Variants in STAG3 observed in about 807,000 individuals in gnomAD.
STAG3 encodes the protein cohesin subunit SA-3.
A neutral mutation model predicts 160.7 loss-of-function variants in STAG3; 101 were observed. The observed-to-expected ratio is 0.63, with a 90% CI of 0.54 to 0.74. STAG3 has a LOEUF of 0.74. Among genes scored for constraint, STAG3 ranks in the 30% least tolerant of loss-of-function variants. The probability of loss-of-function intolerance (pLI) is 0.00; values close to 1 mark genes in which losing one functional copy is unlikely to be tolerated. For missense variants in STAG3, 1,188 were observed against 1,517.4 expected (o/e 0.78, Z 3.61); for synonymous variants, 519 against 585.0 (o/e 0.89, Z 1.63).
chr7:100,207,131 T>A lies in STAG3; in HGVS notation c.3238+1747T>A, dbSNP rs1801724801. On this transcript the variant is annotated intron_variant, in intron 29 of 33. Transcript: ENST00000615138. This position sits in a 1 kb window ranked among gnomAD's most constrained non-coding sequence, Gnocchi z 4.0. ...ATATGCCACATTCTACTTATCCACT[T>A]GTCAGTTGATTGACATTTGGGCTCT... 6.6e-6 allele frequency among the ~76,000 whole-genome samples: 1 copy of A among 152,254 alleles called. No individual in the cohort carries two copies. The highest frequency in any genetic ancestry group is 6.5e-5 in the Admixed American group (1 of 15,282).
intron 13 of STAG3, 94 bp downstream of exon 13, chr7:100,198,676 T>C (rs1800852541): frequency 2.3e-6 from 3 of 1,331,592 alleles, no homozygotes; most frequent in East Asian, 4.6e-5. Flanking sequence ...CCCATCTCTG[T>C]GAAAGTCTCC....
chr7:100,194,156 A>G (rs752031994), intron 8 of STAG3, among the ~76,000 whole-genome samples: 4 of 152,022 alleles, frequency 2.6e-5, no homozygotes, highest in Non-Finnish European at 5.9e-5. Flanking sequence ...CATGTTGGTC[A>G]GGCTGGTCTC....
downstream of STAG3, among the ~76,000 whole-genome samples, chr7:100,217,114 T>A (rs1802828529): frequency 6.6e-6 from 1 of 152,204 alleles, no homozygotes; most frequent in East Asian, 1.9e-4. Context: ...TTACAATGTT[T>A]TTATCTACAC....
At chr7:100,186,506 G>A (rs1431279511) in intron 5 of STAG3, among the ~76,000 whole-genome samples, 1 of 152,120 alleles carries the variant, frequency 6.6e-6, no homozygotes, top group Non-Finnish European at 1.5e-5. Flanking sequence ...ATCACTTGAG[G>A]TCAGGAGTTT....
chr7:100,211,645 T>C (rs1584786705), intron 31 of STAG3, 106 bp downstream of exon 31: 2 of 1,449,030 alleles, frequency 1.4e-6, no homozygotes, highest in African/African-American at 2.8e-5. Context: ...TTGGACTTGT[T>C]TTAGCCACAG....
chr7:100,212,011 C>CA, intron 32 of STAG3, 135 bp downstream of exon 32: 1 of 742,452 alleles, frequency 1.3e-6, no homozygotes, highest in Non-Finnish European at 2.2e-6. Flanking sequence ...TAAAGGAGGA[C>CA]AGGTTATATG....
At chr7:100,183,766 T>A (rs1584654718) in intron 4 of STAG3, among the ~76,000 whole-genome samples, 1 of 152,386 alleles carries the variant, frequency 6.6e-6, no homozygotes, top group Middle Eastern at 3.4e-3. Flanking sequence ...ATATGTTCTT[T>A]AATTATGTAA....
intron 13 of STAG3, 74 bp downstream of exon 13, chr7:100,198,656 C>A: frequency 7.0e-7 from 1 of 1,432,938 alleles, no homozygotes; most frequent in Non-Finnish European, 9.8e-7. Context: ...GCTGCCCTAC[C>A]TAAGGCTTCC....
intron 9 of STAG3, 147 bp from the exon 10 acceptor site, chr7:100,197,009 T>A: frequency 1.6e-6 from 1 of 606,162 alleles, no homozygotes; most frequent in Non-Finnish European, 3.0e-6. Context: ...TATATAGTAT[T>A]TACATCGGGA....
Position 100,211,012 on chromosome 7 carries a change from G to A in STAG3, c.3240G>A (p.Gly1080=). Residue 1080 remains glycine (G), a splice_region_variant and synonymous_variant, in exon 30 of 34, where the codon GGG becomes GGA. Transcript: ENST00000615138. ...TTAATGTATGCATCTGCTTGGCAGG[G>A]CCTGCCAAGCCTAACAGAGAGGACG... is the stretch of plus-strand genomic sequence containing the variant. The part of the protein sequence containing the change: ...LPSSKRRRVE[G]PAKPNREDVS... The A allele has an allele frequency of 6.2e-7, 1 of 1,612,598 alleles. No homozygotes were observed. The highest frequency in any genetic ancestry group is 8.5e-7 in the Non-Finnish European group (1 of 1,179,548).
chr7:100,189,829 G>GTT (rs370596284), intron 8 of STAG3, among the ~76,000 whole-genome samples: 18 of 145,012 alleles, frequency 1.2e-4, no homozygotes, highest in East Asian at 2.0e-4. Flanking sequence ...CTTTTGCTCA[G>GTT]TTTTTTTTTT....
At chr7:100,190,476 G>A (rs767480385) in intron 8 of STAG3, among the ~76,000 whole-genome samples, 7 of 152,192 alleles carry the variant, frequency 4.6e-5, no homozygotes, top group Non-Finnish European at 8.8e-5. Flanking sequence ...GCATTGTCAG[G>A]TTGATCTTAA....
In STAG3 at chr7:100,200,328, G is replaced by A. The variant is rs1167615564; in HGVS notation, c.1770G>A (p.Lys590=). ...LIPLLPQLLA[K]FSADAEKVTP... is the part of the protein sequence containing the mutation. ...CCCTGCTGCCCCAGCTCCTGGCCAA[G>A]GTACCGCTGCCCCTCCACTCTGCAT... Residue 590 remains lysine, a splice_region_variant and synonymous_variant, in exon 17 of 34, where the codon AAG becomes AAA. Coordinates refer to ENST00000615138, the MANE Select transcript of STAG3 (RefSeq NM_001282717.2). 6.2e-7 allele frequency: 1 copy of A among 1,613,864 alleles called. No individual in the cohort carries two copies. Among genetic ancestry groups the A allele is most frequent in the Admixed American group, 1.7e-5 (1 of 59,994 alleles).
rs147687297 is a variant in STAG3 at position 100,181,041 on chromosome 7, T to A, written c.116+369T>A. The A allele has an allele frequency of 5.3e-4, 91 of 170,360 alleles. No homozygotes were observed. In the East Asian group the frequency reaches 0.012, roughly 23 times the overall value. The allele number at this position is 170,360 out of a possible 1,614,324, so 10.6% of individuals were successfully genotyped here. On this transcript the variant is annotated intron_variant, in intron 2 of 33. Transcript: ENST00000615138. ...TAAACCTCTCTTAAACACATTTCTA[T>A]GTTCAGCATGTACCAACCCTGGTGG...
intron 4 of STAG3, 83 bp downstream of exon 4, chr7:100,182,922 G>A (rs1202220739): frequency 2.6e-6 from 4 of 1,509,530 alleles, no homozygotes; most frequent in East Asian, 4.5e-5. Flanking sequence ...TTGATTTGAC[G>A]TGAACATTTT....
At chr7:100,187,947 G>A (rs1274187271) in intron 5 of STAG3, among the ~76,000 whole-genome samples, 4 of 152,066 alleles carry the variant, frequency 2.6e-5, no homozygotes, top group South Asian at 4.2e-4. Context: ...TAGTAGAGAC[G>A]GGGTTTCACC....
chr7:100,196,391 C>T (rs1260274113), intron 9 of STAG3, among the ~76,000 whole-genome samples: 1 of 151,898 alleles, frequency 6.6e-6, no homozygotes, highest in East Asian at 2.0e-4. Context: ...GGCGATTCTT[C>T]TGCCTCAGCC....
chr7:100,194,189 C>T (rs1410880715), intron 8 of STAG3, among the ~76,000 whole-genome samples: 1 of 152,096 alleles, frequency 6.6e-6, no homozygotes, highest in Non-Finnish European at 1.5e-5. Flanking sequence ...AGTGATTTGC[C>T]CACCTTGGCC....
chr7:100,212,172 A>G (rs1485034941), intron 32 of STAG3: 1 of 279,890 alleles, frequency 3.6e-6, no homozygotes, highest in Non-Finnish European at 6.8e-6. Flanking sequence ...AGGAGTCCTA[A>G]TGCTGGAGGT....
Sources: gnomAD v4.1 joint callset for allele counts (sites outside exome capture counted in the v4.1 genomes callset) on GRCh38, gnomAD v4.1.1 for gene constraint, Gnocchi (gnomAD v3.1) non-coding constraint, MANE v1.5 for transcripts, NCBI Gene and HGNC (gene_info 2026-07-23, HGNC 2026-07-21) for gene names.